Variants in CASP6 observed in about 807,000 individuals in gnomAD.
The protein encoded by CASP6 is caspase-6.
A neutral mutation model predicts 31.8 loss-of-function variants in CASP6; 20 were observed. The observed-to-expected ratio is 0.63, with a 90% CI of 0.44 to 0.91. The LOEUF is 0.91. CASP6 is among the 40% of genes least tolerant of loss of function. CASP6 has a pLI of 0.00. For synonymous variants in CASP6, 130 were observed against 127.8 expected (o/e 1.02, Z -0.12); for missense variants, 328 against 361.1 (o/e 0.91, Z 0.74).
the CASP6 span, among the ~76,000 whole-genome samples, chr4:109,669,189 T>A: frequency 6.6e-6 from 1 of 152,212 alleles, no homozygotes; most frequent in Non-Finnish European, 1.5e-5. Context: ...GAACTTCTTT[T>A]AATATTTCTT....
In CASP6 at chr4:109,698,315, T is replaced by A. The variant is rs772397844; in HGVS notation, c.68A>T (p.Asp23Val). Residue 23 changes from aspartate to valine, a missense_variant, in exon 2 of 7, where the codon GAT (aspartate) becomes GTT (valine). Asp to Val is a radical substitution (Grantham distance 152). Coordinates refer to ENST00000265164, the MANE Select transcript of CASP6 (RefSeq NM_001226.4). ...ACAGCTTTACCTTTTATAGAAGGCA[T>A]CTGTTTCTGTCATGTTTTCTTCCCC... ...AGGEENMTET[D>V]AFYKREMFDP... 2 of 1,611,516 alleles carry A rather than the reference T, an allele frequency of 1.2e-6. No individual in the cohort carries two copies. The highest frequency in any genetic ancestry group is 3.4e-5 in the Admixed American group (2 of 59,390).
At chr4:109,668,628 G>A in the CASP6 span, among the ~76,000 whole-genome samples, 1 of 151,352 alleles carries the variant, frequency 6.6e-6, no homozygotes, top group Non-Finnish European at 1.5e-5. Context: ...TTAGGCCATT[G>A]ACATTCAAAT....
intron 5 of CASP6, among the ~76,000 whole-genome samples, chr4:109,693,847 T>G (rs569654157): frequency 1.3e-5 from 2 of 151,740 alleles, no homozygotes; most frequent in South Asian, 4.2e-4. Flanking sequence ...CAAGCAATTC[T>G]CATGCCTCAG....
rs1730286834 is a variant in CASP6 at position 109,697,635 on chromosome 4, T to A, written c.217A>T (p.Asn73Tyr). The change falls in exon 3 of 7, where the codon AAT becomes TAT. Residue 73 changes from asparagine to tyrosine, a missense_variant. Transcript: ENST00000265164. ...TAAAACTACTACCTGCGGGTAAGAT[T>A]GTCTCTATCTGCGCAGGTGCCCCGC... ...ERRGTCADRD[N>Y]LTRRFSDLGF... 6.2e-7 allele frequency: 1 copy of A among 1,606,156 alleles called. No homozygotes were observed. The highest frequency in any genetic ancestry group is 8.5e-7 in the Non-Finnish European group (1 of 1,177,614).
the CASP6 span, among the ~76,000 whole-genome samples, chr4:109,673,179 C>A: frequency 2.6e-5 from 4 of 152,194 alleles, no homozygotes; most frequent in Non-Finnish European, 5.9e-5. Flanking sequence ...ATACAACTTT[C>A]ATGTCCAGTG....
At chr4:109,706,164 T>TACAC (rs1439890292), upstream of CASP6, among the ~76,000 whole-genome samples, 3,926 of 90,608 alleles carry the variant, frequency 0.043, 245 homozygotes, top group East Asian at 0.14. Context: ...TATATATATA[T>TACAC]ATATATACAC....
chr4:109,696,582 T>C (rs1730246564), intron 3 of CASP6, 96 bp from the exon 4 acceptor site: 2 of 748,102 alleles, frequency 2.7e-6, no homozygotes, highest in Admixed American at 2.8e-5. Context: ...TAACGACACA[T>C]AAATTTGCTT....
downstream of CASP6, chr4:109,685,216 C>A: frequency 1.2e-6 from 1 of 869,162 alleles, no homozygotes; most frequent in Non-Finnish European, 1.9e-6. Context: ...TCATTCAAAA[C>A]ATGTTGTTTT....
chr4:109,702,411 C>T (rs549851976), intron 1 of CASP6, among the ~76,000 whole-genome samples: 8 of 150,534 alleles, frequency 5.3e-5, no homozygotes, highest in Admixed American at 1.3e-4. Context: ...CTCACTGCAA[C>T]CTCCACCTCC....
At chr4:109,701,114 C>T (rs1395206359) in intron 1 of CASP6, among the ~76,000 whole-genome samples, 1 of 152,018 alleles carries the variant, frequency 6.6e-6, no homozygotes, top group African/African-American at 2.4e-5. Flanking sequence ...TGCGCCACCA[C>T]ACCCAGCTAC....
chr4:109,703,070 G>A (rs1357036783), intron 1 of CASP6, among the ~76,000 whole-genome samples: 2 of 152,182 alleles, frequency 1.3e-5, no homozygotes, highest in East Asian at 1.9e-4. Flanking sequence ...CATCGCCCCG[G>A]AGGACAAAGG....
At chr4:109,666,929 G>A in the CASP6 span, among the ~76,000 whole-genome samples, 91,914 of 152,042 alleles carry the variant, frequency 0.6, 28,135 homozygotes, top group South Asian at 0.68. Context: ...TGCATACCTG[G>A]ATAAATCCCA....
upstream of CASP6, among the ~76,000 whole-genome samples, chr4:109,706,411 G>A (rs1730620843): frequency 6.6e-6 from 1 of 151,880 alleles, no homozygotes; most frequent in African/African-American, 2.4e-5. Context: ...GATAGATGAG[G>A]AGATGCTTTT....
Position 109,697,703 on chromosome 4 carries a change from A to G in CASP6, c.149T>C (p.Phe50Ser), listed in dbSNP as rs139039300. ...DHRRRGIALI[F>S]NHERFFWHLT... ...GTGCCAAAAGAACCTCTCATGATTG[A>G]AGATTAAAGCAATTCCTCTCCTCCT... The change falls in exon 3 of 7, where the codon TTC (phenylalanine) becomes TCC (serine). Residue 50 changes from phenylalanine to serine, a missense_variant. Phe to Ser is a radical substitution (Grantham distance 155). Coordinates refer to ENST00000265164, the MANE Select transcript of CASP6 (RefSeq NM_001226.4). 1 of 1,613,932 alleles carries G rather than the reference A, an allele frequency of 6.2e-7. No individual in the cohort carries two copies. Among genetic ancestry groups the G allele is most frequent in the African/African-American group, 1.3e-5 (1 of 74,918 alleles).
chr4:109,678,719 G>A, the CASP6 span, among the ~76,000 whole-genome samples: 1 of 146,834 alleles, frequency 6.8e-6, no homozygotes, highest in Non-Finnish European at 1.5e-5. Flanking sequence ...TGGTGGCCAA[G>A]CAGAGGCGCT....
At chr4:109,671,744 A>G in the CASP6 span, among the ~76,000 whole-genome samples, 1 of 152,150 alleles carries the variant, frequency 6.6e-6, no homozygotes, top group Non-Finnish European at 1.5e-5. Context: ...TGTCTCTTCA[A>G]ACTGTGGTTG....
chr4:109,694,255 T>G (rs147428971), intron 5 of CASP6, among the ~76,000 whole-genome samples: 1 of 152,208 alleles, frequency 6.6e-6, no homozygotes, highest in Non-Finnish European at 1.5e-5. Context: ...ATGGCTCTCC[T>G]TGGTATCAGG....
chr4:109,697,220 TTTTAA>T (rs1355931409), intron 3 of CASP6, among the ~76,000 whole-genome samples: 1 of 152,122 alleles, frequency 6.6e-6, no homozygotes, highest in Non-Finnish European at 1.5e-5. Context: ...TCTGGAATTT[TTTTAA>T]TTTTTAATTT....
intron 6 of CASP6, among the ~76,000 whole-genome samples, chr4:109,690,590 T>C (rs537566884): frequency 4.2e-4 from 64 of 152,222 alleles, no homozygotes; most frequent in African/African-American, 1.5e-3. Flanking sequence ...CAGTAACTGA[T>C]GGTAGGCTGC....
Sources: allele counts gnomAD v4.1 joint callset (sites outside exome capture counted in the v4.1 genomes callset), GRCh38; gene constraint gnomAD v4.1.1; transcripts MANE v1.5; gene names NCBI Gene and HGNC (gene_info 2026-07-23, HGNC 2026-07-21).